COBL: variants seen among roughly 807,000 people sequenced by gnomAD.
COBL encodes the protein cordon-bleu WH2 repeat protein.
Under a neutral mutation model 98.8 loss-of-function variants are expected in COBL, and 51 were observed. The ratio of observed to expected loss-of-function variants is 0.52; its 90% CI spans 0.41 to 0.65. The LOEUF is 0.65. Among genes scored for constraint, COBL ranks in the 30% least tolerant of loss-of-function variants. The pLI is 0.00. For synonymous variants in COBL, 634 were observed against 651.7 expected (o/e 0.97, Z 0.41); for missense variants, 1,617 against 1,617.5 (o/e 1.00, Z 0.01).
At chr7:51,071,413 G>C (rs1420411669) in intron 7 of COBL, 2 of 152,096 alleles carry the variant, frequency 1.3e-5, no homozygotes, top group Non-Finnish European at 1.5e-5. Context: ...ACATCTATCA[G>C]GCCATCTCTC....
chr7:51,222,649 C>T (rs1793759645), intron 1 of COBL, among the ~76,000 whole-genome samples: 1 of 152,076 alleles, frequency 6.6e-6, no homozygotes. Flanking sequence ...TCATTAACCA[C>T]CCTTTGGTCT....
At chr7:51,224,849 T>C (rs375044156) in intron 1 of COBL, among the ~76,000 whole-genome samples, 1 of 152,204 alleles carries the variant, frequency 6.6e-6, no homozygotes, top group African/African-American at 2.4e-5. Flanking sequence ...TTGGTATTTT[T>C]AGTAGAGATG....
At position 51,187,891 on chromosome 7, in the gene COBL, G is replaced by A. The variant is rs76840404; in HGVS notation, c.685+2959C>T. ...CATAGTGCAGCCTCACAGCGGGAGCGGGAAGCCCCAGGTTCACTGTACCTT... is the reference window on the plus strand; with the variant it reads ...CATAGTGCAGCCTCACAGCGGGAGCAGGAAGCCCCAGGTTCACTGTACCTT... On this transcript the variant is annotated intron_variant, in intron 4 of 12. Coordinates refer to ENST00000265136, the MANE Select transcript of COBL (RefSeq NM_015198.5). 6,660 of 1,231,812 alleles carry A rather than the reference G, an allele frequency of 5.4e-3. 397 individuals carry two copies. In the South Asian group the frequency reaches 0.14, roughly 26 times the overall value. The allele number at this position is 1,231,812 out of a possible 1,614,324, so 76.3% of individuals were successfully genotyped here. A position where few individuals can be genotyped will look rare whatever the true frequency, so the allele number is the denominator to read the frequency against.
In COBL at chr7:51,016,671, A is replaced by G; in HGVS notation, c.*880T>C. 6.0e-6 allele frequency: 2 copies of G among 333,856 alleles called. No homozygotes were observed. Among genetic ancestry groups the G allele is most frequent in the Non-Finnish European group, 1.1e-5 (2 of 185,100 alleles). 20.7% of individuals were successfully genotyped at this position (333,856 alleles called of 1,614,324 possible). ...TGAACTCTTGACAGGTGGGCATCCA[A>G]CATCCCTGCTCCTTGACCCTCTGCA... On this transcript the variant is annotated 3_prime_UTR_variant, in exon 13 of 13. Transcript: ENST00000265136.
At chr7:51,172,662 T>C (rs1349237893) in intron 5 of COBL, 5 of 370,690 alleles carry the variant, frequency 1.3e-5, no homozygotes, top group Non-Finnish European at 1.7e-5. Flanking sequence ...ATAGGTGTAA[T>C]CTTTACCACT....
At chr7:51,244,447 A>C (rs1344264775) in intron 1 of COBL, among the ~76,000 whole-genome samples, 2 of 152,188 alleles carry the variant, frequency 1.3e-5, no homozygotes, top group Admixed American at 1.3e-4. Flanking sequence ...ATAGCCACTC[A>C]CATGTCCAAA....
intron 4 of COBL, chr7:51,187,924 C>G: frequency 3.2e-6 from 4 of 1,232,452 alleles, no homozygotes; most frequent in Non-Finnish European, 4.0e-6. Flanking sequence ...CTTGACAGCT[C>G]AGGGAAGGCT....
chr7:51,028,111 G>A lies in COBL; in HGVS notation c.2985C>T (p.Phe995=). The change falls in exon 10 of 13, where the codon TTC becomes TTT. Residue 995 remains phenylalanine, a synonymous_variant. Coordinates refer to ENST00000265136, the MANE Select transcript of COBL (RefSeq NM_015198.5). ...DRVSVGQSCG[F]SGKQSTSSQE... Reference sequence around the variant, plus strand: ...GGCTACTTGTGCTTTGCTTTCCACTGAAACCACAGCTCTGTCCCACAGAAA... The same window carrying A: ...GGCTACTTGTGCTTTGCTTTCCACTAAAACCACAGCTCTGTCCCACAGAAA... The A allele has an allele frequency of 1.9e-6, 3 of 1,614,148 alleles. No individual in the cohort carries two copies. The highest frequency in any genetic ancestry group is 1.7e-6 in the Non-Finnish European group (2 of 1,179,998).
chr7:51,311,641 G>T (rs538560079), intron 1 of COBL, among the ~76,000 whole-genome samples: 1 of 152,304 alleles, frequency 6.6e-6, no homozygotes, highest in African/African-American at 2.4e-5. Context: ...TTCAGAAGCA[G>T]AAAGCCAGGG....
At chr7:51,038,997 AG>A (rs3214181) in intron 8 of COBL, among the ~76,000 whole-genome samples, 47,831 of 151,986 alleles carry the variant, frequency 0.31, 8,357 homozygotes, top group East Asian at 0.45. Flanking sequence ...AACCAGGTAT[AG>A]GGGGTCATCC....
chr7:51,109,623 G>A (rs1182376568), intron 6 of COBL, among the ~76,000 whole-genome samples: 1 of 151,974 alleles, frequency 6.6e-6, no homozygotes, highest in Non-Finnish European at 1.5e-5. Context: ...CTCAGAGTCA[G>A]TTACCACTGT....
intron 6 of COBL, among the ~76,000 whole-genome samples, chr7:51,112,252 C>T (rs1467356922): frequency 1.3e-5 from 2 of 152,024 alleles, no homozygotes; most frequent in African/African-American, 4.8e-5. Flanking sequence ...ATTTCTATTC[C>T]AATTCATCAC....
At chr7:51,097,981 G>A (rs933153490) in intron 6 of COBL, among the ~76,000 whole-genome samples, 5 of 143,216 alleles carry the variant, frequency 3.5e-5, no homozygotes, top group South Asian at 2.2e-4. Flanking sequence ...CCAAGATTGC[G>A]CCACTGCACT....
At chr7:51,254,348 C>G (rs910974393) in intron 1 of COBL, among the ~76,000 whole-genome samples, 1 of 152,162 alleles carries the variant, frequency 6.6e-6, no homozygotes, top group African/African-American at 2.4e-5. Context: ...TGTAGTCCTT[C>G]TGGTACAGAA....
At chr7:51,034,115 T>G (rs1348179564) in intron 8 of COBL, 1 of 152,954 alleles carries the variant, frequency 6.5e-6, no homozygotes, top group Non-Finnish European at 1.5e-5. Context: ...TGGCCTCACT[T>G]GGCACTCTAT....
chr7:51,101,596 T>G (rs1337772944), intron 6 of COBL, among the ~76,000 whole-genome samples: 1 of 152,186 alleles, frequency 6.6e-6, no homozygotes, highest in African/African-American at 2.4e-5. Context: ...AAGAAATAAC[T>G]GCTGCAGTTT....
At chr7:51,023,795 G>A (rs942655872) in intron 12 of COBL, among the ~76,000 whole-genome samples, 2 of 152,128 alleles carry the variant, frequency 1.3e-5, no homozygotes, top group African/African-American at 4.8e-5. Context: ...CGTCTCCTGG[G>A]TTACCTGCTC....
chr7:51,252,961 G>A (rs1444246907), intron 1 of COBL, among the ~76,000 whole-genome samples: 2 of 152,090 alleles, frequency 1.3e-5, no homozygotes, highest in Admixed American at 6.6e-5. Context: ...AGTGGTTCAC[G>A]CCTGTAATCG....
intron 6 of COBL, among the ~76,000 whole-genome samples, chr7:51,126,926 T>C (rs1357094658): frequency 6.6e-6 from 1 of 152,108 alleles, no homozygotes; most frequent in Admixed American, 6.5e-5. Flanking sequence ...TGAGCCTCCT[T>C]AGCTGTCTGA....
Sources: allele counts gnomAD v4.1 joint callset (sites outside exome capture counted in the v4.1 genomes callset), GRCh38; gene constraint gnomAD v4.1.1; transcripts MANE v1.5; gene names NCBI Gene and HGNC (gene_info 2026-07-23, HGNC 2026-07-21).